HYAL4: variants seen among roughly 807,000 people sequenced by gnomAD.
The protein encoded by HYAL4 is hyaluronidase-4.
HYAL4 carries 37 observed loss-of-function variants against 35.2 expected under a neutral mutation model. The observed-to-expected ratio is 1.05, with a 90% CI of 0.81 to 1.38. The LOEUF is 1.38. Among genes scored for constraint, HYAL4 ranks in the 40% most tolerant of loss-of-function variants. HYAL4 has a pLI of 0.00. For missense variants in HYAL4, 572 were observed against 572.4 expected, an observed-to-expected ratio of 1.00 and a Z score of 0.01; for synonymous variants, 198 against 203.2, an observed-to-expected ratio of 0.97 and a Z score of 0.22.
At chr7:123,865,877 T>C (rs149453607) in intron 2 of HYAL4, among the ~76,000 whole-genome samples, 9 of 152,288 alleles carry the variant, frequency 5.9e-5, no homozygotes, top group African/African-American at 1.9e-4. Flanking sequence ...ATCCACATGG[T>C]TGGGGACCCC....
chr7:123,818,020 G>T, the HYAL4 span, among the ~76,000 whole-genome samples: 1 of 151,844 alleles, frequency 6.6e-6, no homozygotes, highest in Non-Finnish European at 1.5e-5. Flanking sequence ...TGGGATTACA[G>T]GCAGGCACCA....
intron 1 of HYAL4, among the ~76,000 whole-genome samples, chr7:123,832,905 A>T (rs1232018810): frequency 2.0e-5 from 3 of 152,074 alleles, no homozygotes; most frequent in African/African-American, 7.2e-5. Context: ...CTCTAATCCC[A>T]TCCAGGTTGT....
the HYAL4 span, among the ~76,000 whole-genome samples, chr7:123,810,397 A>G: frequency 6.6e-6 from 1 of 152,230 alleles, no homozygotes; most frequent in African/African-American, 2.4e-5. Flanking sequence ...TTCACAATAT[A>G]TTTAAGAAAC....
chr7:123,835,237 G>A (rs1450019479), intron 1 of HYAL4, among the ~76,000 whole-genome samples: 2 of 150,946 alleles, frequency 1.3e-5, no homozygotes, highest in African/African-American at 2.4e-5. Context: ...ATTTTTTTTT[G>A]TTACCATTTC....
intron 3 of HYAL4, 101 bp downstream of exon 3, chr7:123,869,328 GT>G (rs1227325811): frequency 3.6e-6 from 3 of 829,868 alleles, no homozygotes; most frequent in African/African-American, 1.7e-5. Flanking sequence ...TCAATTAATG[GT>G]TTGTTATATG....
the HYAL4 span, among the ~76,000 whole-genome samples, chr7:123,788,723 A>C: frequency 1.3e-5 from 2 of 152,248 alleles, no homozygotes; most frequent in African/African-American, 4.8e-5. Context: ...TTTAGCAGTT[A>C]GTTTATATCA....
chr7:123,866,048 C>T (rs952930615), intron 2 of HYAL4, among the ~76,000 whole-genome samples: 2 of 152,160 alleles, frequency 1.3e-5, no homozygotes, highest in Non-Finnish European at 2.9e-5. Flanking sequence ...CCTTGTGATA[C>T]AATTACCTGC....
chr7:123,876,031 A>G (rs183366647), intron 4 of HYAL4: 10 of 456,674 alleles, frequency 2.2e-5, no homozygotes, highest in Admixed American at 1.9e-4. Flanking sequence ...TCCAGGTGTG[A>G]TATTTCCACC....
intron 2 of HYAL4, among the ~76,000 whole-genome samples, chr7:123,866,871 ACCG>A: frequency 6.7e-6 from 1 of 150,334 alleles, no homozygotes; most frequent in Non-Finnish European, 1.5e-5. Flanking sequence ...GTTCACTGCA[ACCG>A]CCACCTCCCA....
At chr7:123,767,971 C>T in the HYAL4 span, among the ~76,000 whole-genome samples, 1 of 152,058 alleles carries the variant, frequency 6.6e-6, no homozygotes, top group East Asian at 1.9e-4. Flanking sequence ...TAATTATGTC[C>T]CATGCAACCT....
chr7:123,828,622 A>G (rs1260539348), upstream of HYAL4, among the ~76,000 whole-genome samples: 1 of 152,186 alleles, frequency 6.6e-6, no homozygotes, highest in African/African-American at 2.4e-5. Flanking sequence ...ATTAAAGTTC[A>G]ATTTTAACAA....
chr7:123,798,047 A>T, the HYAL4 span, among the ~76,000 whole-genome samples: 1 of 152,218 alleles, frequency 6.6e-6, no homozygotes, highest in African/African-American at 2.4e-5. Context: ...TTTCCTAAAG[A>T]TGTGGCCTGG....
At chr7:123,804,080 A>G in the HYAL4 span, among the ~76,000 whole-genome samples, 1 of 152,188 alleles carries the variant, frequency 6.6e-6, no homozygotes, top group African/African-American at 2.4e-5. Context: ...CCACAATACT[A>G]TATATGCTAA....
At chr7:123,849,361 C>T (rs1444223193) in intron 2 of HYAL4, among the ~76,000 whole-genome samples, 4 of 151,766 alleles carry the variant, frequency 2.6e-5, no homozygotes, top group Non-Finnish European at 4.4e-5. Flanking sequence ...AGTGCATCGG[C>T]GCGATCTTGG....
At chr7:123,789,958 A>G in the HYAL4 span, among the ~76,000 whole-genome samples, 53,799 of 151,940 alleles carry the variant, frequency 0.35, 9,747 homozygotes, top group Middle Eastern at 0.43. Flanking sequence ...TGAATCACAC[A>G]ATTATGGGGG....
chr7:123,812,516 T>C, the HYAL4 span, among the ~76,000 whole-genome samples: 1 of 152,118 alleles, frequency 6.6e-6, no homozygotes, highest in African/African-American at 2.4e-5. Flanking sequence ...AAATAGATGA[T>C]TGTGTATCAT....
intron 2 of HYAL4, among the ~76,000 whole-genome samples, chr7:123,860,428 C>T (rs1563000458): frequency 6.6e-6 from 1 of 152,024 alleles, no homozygotes; most frequent in Non-Finnish European, 1.5e-5. Flanking sequence ...TGCATATATT[C>T]CTTTCTTTGA....
chr7:123,847,733 G>T (rs992764943), intron 1 of HYAL4, among the ~76,000 whole-genome samples: 2 of 152,072 alleles, frequency 1.3e-5, no homozygotes, highest in African/African-American at 2.4e-5. Flanking sequence ...AGCTGAGATT[G>T]TTCCACTCCA....
At chr7:123,809,518 C>T in the HYAL4 span, among the ~76,000 whole-genome samples, 1 of 151,520 alleles carries the variant, frequency 6.6e-6, no homozygotes. Flanking sequence ...ACCTCAGCCT[C>T]CCGAGTAGCT....
Sources: gnomAD v4.1 joint callset for allele counts (sites outside exome capture counted in the v4.1 genomes callset) on GRCh38, gnomAD v4.1.1 for gene constraint, MANE v1.5 for transcripts, NCBI Gene and HGNC (gene_info 2026-07-23, HGNC 2026-07-21) for gene names.